ZBTB16: variants seen among roughly 807,000 people sequenced by gnomAD.
The protein encoded by ZBTB16 is zinc finger and BTB domain-containing protein 16.
A neutral mutation model predicts 56.8 loss-of-function variants in ZBTB16; 8 were observed. The ratio of observed to expected loss-of-function variants is 0.14; its 90% CI spans 0.08 to 0.25. ZBTB16 has a LOEUF of 0.25. Ranked by LOEUF, ZBTB16 falls within the 10% of genes least tolerant of loss-of-function variation. ZBTB16 has a pLI of 1.00. For synonymous variants in ZBTB16, 363 were observed against 368.5 expected, an observed-to-expected ratio of 0.98 and a Z score of 0.17; for missense variants, 625 against 903.0, an observed-to-expected ratio of 0.69 and a Z score of 3.95.
intron 2 of ZBTB16, among the ~76,000 whole-genome samples, chr11:114,081,761 T>C (rs1939770127): frequency 6.6e-6 from 1 of 151,904 alleles, no homozygotes; most frequent in South Asian, 2.1e-4. Context: ...AGAAGGAAAA[T>C]TGTGGTCAGG....
chr11:114,127,562 G>T (rs1423426760), intron 2 of ZBTB16, among the ~76,000 whole-genome samples: 1 of 152,196 alleles, frequency 6.6e-6, no homozygotes, highest in Non-Finnish European at 1.5e-5. Context: ...CTGTTGCTAA[G>T]AATACTTTGC....
intron 4 of ZBTB16, among the ~76,000 whole-genome samples, chr11:114,233,113 ACACACACACACACTCTCT>A (rs754070477): frequency 0.027 from 1,426 of 52,894 alleles, 35 homozygotes; most frequent in Middle Eastern, 0.041. Context: ...ACACACACAC[ACACACACACACACTCTCT>A]CTCTCTCACA....
rs1565694511 is a variant in ZBTB16, at chr11:114,223,182, A to G, written c.1454-18985A>G. On this transcript the variant is annotated intron_variant, in intron 4 of 6. Transcript: ENST00000335953. ...TGTCTTCAATTGTGAATGACTCCTC[A>G]TCAGGAAGGGACATCTGGGTAGCAC... Among the ~76,000 whole-genome samples, 4 of 152,208 alleles carry G rather than the reference A, an allele frequency of 2.6e-5. No individual in the cohort carries two copies. In the South Asian group the frequency reaches 8.3e-4, roughly 32 times the overall value.
chr11:114,063,118 T>G lies in ZBTB16; in HGVS notation c.-90-93T>G. On this transcript the variant is annotated intron_variant, in intron 1 of 6. Coordinates refer to ENST00000335953, the MANE Select transcript of ZBTB16 (RefSeq NM_006006.6). The surrounding 1 kb of genome is among the most constrained non-coding windows in gnomAD (Gnocchi z 6.5). Reference sequence around the variant, plus strand: ...TTGGCAACAGGGAGGAGGGGGCATGTTGTAGTGGTTGAATTCTTACTTTTA... The same window carrying G: ...TTGGCAACAGGGAGGAGGGGGCATGGTGTAGTGGTTGAATTCTTACTTTTA... 1 of 661,406 alleles carries G rather than the reference T, an allele frequency of 1.5e-6. No individual in the cohort carries two copies. Among genetic ancestry groups the G allele is most frequent in the Non-Finnish European group, 2.6e-6 (1 of 381,636 alleles). The allele number at this position is 661,406 out of a possible 1,614,324, so 41.0% of individuals were successfully genotyped here. A position where few individuals can be genotyped will look rare whatever the true frequency, so the allele number is the denominator to read the frequency against.
chr11:114,226,406 C>T (rs1403361312), intron 4 of ZBTB16, among the ~76,000 whole-genome samples: 1 of 152,146 alleles, frequency 6.6e-6, no homozygotes, highest in African/African-American at 2.4e-5. Flanking sequence ...CTGTGGTTGG[C>T]CTGAGAGAGT....
chr11:114,103,609 G>A (rs567191474), intron 2 of ZBTB16, among the ~76,000 whole-genome samples: 11 of 151,690 alleles, frequency 7.3e-5, no homozygotes, highest in Non-Finnish European at 1.2e-4. Flanking sequence ...TTAACTCCTC[G>A]TGGCCCCTGG....
intron 2 of ZBTB16, among the ~76,000 whole-genome samples, chr11:114,095,255 T>TTTC (rs1565622454): frequency 1.6e-4 from 13 of 83,680 alleles, no homozygotes; most frequent in South Asian, 3.6e-4. Context: ...CTTTTTTTTT[T>TTTC]TTTTTTTTTT....
intron 2 of ZBTB16, among the ~76,000 whole-genome samples, chr11:114,137,327 C>T (rs56411814): frequency 0.14 from 20,869 of 152,136 alleles, 1,671 homozygotes; most frequent in African/African-American, 0.2. Flanking sequence ...CCACTCATAC[C>T]GCTGCCCTCT....
At chr11:114,162,457 C>A (rs1004190686) in intron 3 of ZBTB16, among the ~76,000 whole-genome samples, 1 of 152,138 alleles carries the variant, frequency 6.6e-6, no homozygotes, top group Admixed American at 6.5e-5. Flanking sequence ...CCTTTGAGTC[C>A]AAAGATGGCT....
In ZBTB16 at chr11:114,061,000, C is replaced by T. The variant is rs971947324; in HGVS notation, c.-91+1118C>T. Among the ~76,000 whole-genome samples, 6 of 152,188 alleles carry T rather than the reference C, an allele frequency of 3.9e-5. No individual in the cohort carries two copies. Among genetic ancestry groups the T allele is most frequent in the South Asian group, 2.1e-4 (1 of 4,836 alleles). ...CTCTCGCCGCGGAGTCCAGCCCGCC[C>T]GGACTGTCGCCGTTCCTCCCCGTCT... On this transcript the variant is annotated intron_variant, in intron 1 of 6. Coordinates refer to ENST00000335953, the MANE Select transcript of ZBTB16 (RefSeq NM_006006.6). This position sits in a 1 kb window ranked among gnomAD's most constrained non-coding sequence, Gnocchi z 6.0.
rs373975556 is a variant in ZBTB16, at chr11:114,172,171, A to C, written c.1367-14781A>C. Among the ~76,000 whole-genome samples the C allele has an allele frequency of 9.2e-5, 14 of 152,294 alleles. No individual in the cohort carries two copies. In the East Asian group the frequency reaches 1.4e-3, roughly 15 times the overall value. On this transcript the variant is annotated intron_variant, in intron 3 of 6. Coordinates refer to ENST00000335953, the MANE Select transcript of ZBTB16 (RefSeq NM_006006.6). ...CGAGTCCATAGGAGTTCCCTACTAC[A>C]TGTCCAAGAATGTCCTGCGACCGCA... is the stretch of plus-strand genomic sequence containing the variant.
At position 114,064,671 on chromosome 11, in the gene ZBTB16, T is replaced by C. The variant is rs1008718798; in HGVS notation, c.1268+103T>C. ...AAGTTAGGGGCCTGGCTCCCCTGTCTTGGCAATTTGTGAAAAAACCAGAAC... is the reference window on the plus strand; with the variant it reads ...AAGTTAGGGGCCTGGCTCCCCTGTCCTGGCAATTTGTGAAAAAACCAGAAC... On this transcript the variant is annotated intron_variant, in intron 2 of 6. Transcript: ENST00000335953. This position sits in a 1 kb window ranked among gnomAD's most constrained non-coding sequence, Gnocchi z 4.2. The C allele has an allele frequency of 3.9e-5, 57 of 1,449,462 alleles. No individual in the cohort carries two copies. Among genetic ancestry groups the C allele is most frequent in the Non-Finnish European group, 5.3e-5 (56 of 1,064,134 alleles). 89.8% of individuals were successfully genotyped at this position (1,449,462 alleles called of 1,614,324 possible).
intron 4 of ZBTB16, 125 bp downstream of exon 4, chr11:114,187,163 T>A: frequency 1.1e-6 from 1 of 909,862 alleles, no homozygotes; most frequent in Non-Finnish European, 1.8e-6. Flanking sequence ...GGGCGAGCTG[T>A]GAGTAGGATG....
At chr11:114,135,650 G>C (rs1444744676) in intron 2 of ZBTB16, among the ~76,000 whole-genome samples, 1 of 152,104 alleles carries the variant, frequency 6.6e-6, no homozygotes, top group African/African-American at 2.4e-5. Context: ...AGCCTAGCGA[G>C]ACCCATTTTG....
rs568023745 is a variant in ZBTB16 at position 114,108,317 on chromosome 11, C to T, written c.1268+43749C>T. Among the ~76,000 whole-genome samples, 3 of 152,288 alleles carry T rather than the reference C, an allele frequency of 2.0e-5. No individual in the cohort carries two copies. The East Asian group carries it at 5.8e-4, about 29-fold the overall frequency. The stretch of plus-strand genomic sequence containing the variant: ...TCAGGAGCTAGAACACCTATCATCT[C>T]CAGCATCTAGAGAATCCCTTTTCAG... On this transcript the variant is annotated intron_variant, in intron 2 of 6. Transcript: ENST00000335953.
At chr11:114,095,881 C>G (rs953248295) in intron 2 of ZBTB16, among the ~76,000 whole-genome samples, 1 of 152,110 alleles carries the variant, frequency 6.6e-6, no homozygotes. Context: ...ATCTATTTAA[C>G]TTTTCAGGGT....
chr11:114,066,768 A>ATTTTTTTTTT (rs11371325), intron 2 of ZBTB16, among the ~76,000 whole-genome samples: 1 of 111,444 alleles, frequency 9.0e-6, no homozygotes, highest in Non-Finnish European at 1.8e-5. Context: ...CACTCACTAC[A>ATTTTTTTTTT]TTTTTTTTTT....
chr11:114,150,957 A>G (rs752147104), intron 2 of ZBTB16, among the ~76,000 whole-genome samples: 1 of 152,198 alleles, frequency 6.6e-6, no homozygotes, highest in Non-Finnish European at 1.5e-5. Context: ...GGAAGTTTGC[A>G]TGGTGGCTGG....
chr11:114,155,810 G>T (rs1270572659), intron 2 of ZBTB16, among the ~76,000 whole-genome samples: 1 of 152,158 alleles, frequency 6.6e-6, no homozygotes. Context: ...GTCTATAAGG[G>T]CATCAATTTA....
Sources: gnomAD v4.1 joint callset for allele counts (sites outside exome capture counted in the v4.1 genomes callset) on GRCh38, gnomAD v4.1.1 for gene constraint, Gnocchi (gnomAD v3.1) non-coding constraint, MANE v1.5 for transcripts, NCBI Gene and HGNC (gene_info 2026-07-23, HGNC 2026-07-21) for gene names.